The following TRANK1 variants were observed in gnomAD, a reference collection of about 807,000 sequenced individuals.
TRANK1 encodes TPR and ankyrin repeat-containing protein 1.
In TRANK1, 198 loss-of-function variants were observed where a neutral mutation model predicts 266.0. The ratio of observed to expected loss-of-function variants is 0.74; its 90% CI spans 0.66 to 0.84. TRANK1 has a LOEUF of 0.84. Among genes scored for constraint, TRANK1 ranks in the 40% least tolerant of loss-of-function variants. TRANK1 has a pLI of 0.00. For missense variants in TRANK1, 3,326 were observed against 3,634.6 expected (o/e 0.92, Z 2.18); for synonymous variants, 1,396 against 1,384.1 (o/e 1.01, Z -0.19).
At chr3:36,901,017 G>A (rs2079872538) in intron 3 of TRANK1, among the ~76,000 whole-genome samples, 1 of 151,660 alleles carries the variant, frequency 6.6e-6, no homozygotes, top group African/African-American at 2.4e-5. Flanking sequence ...ATCAAAGAGA[G>A]GAGGAAAAAA....
At chr3:36,873,947 T>A in intron 9 of TRANK1, among the ~76,000 whole-genome samples, 179 bp downstream of exon 9, 1 of 148,548 alleles carries the variant, frequency 6.7e-6, no homozygotes, top group African/African-American at 2.5e-5. Context: ...AGCTATCTCA[T>A]TCTACCTTTA....
Position 36,892,279 on chromosome 3 carries a change from A to G in TRANK1, c.698T>C (p.Leu233Pro). 1 of 1,537,226 alleles carries G rather than the reference A, an allele frequency of 6.5e-7. No individual in the cohort carries two copies. Among genetic ancestry groups the G allele is most frequent in the Non-Finnish European group, 8.7e-7 (1 of 1,146,892 alleles). Residue 233 changes from leucine to proline, a missense_variant, in exon 7 of 24, where the codon CTC becomes CCC. Coordinates refer to ENST00000645898, the MANE Select transcript of TRANK1 (RefSeq NM_001329998.2). ...CTCAACACTTGCACCAATGGAGATG[A>G]GCCACTGGACTAACTTGGGCACTTG... is the stretch of plus-strand genomic sequence containing the variant. ...MEQVPKLVQWLISIGASVETI... is the reference protein window; with the variant it reads ...MEQVPKLVQWPISIGASVETI...
Position 36,908,966 on chromosome 3 carries a change from A to G in TRANK1, c.24-512T>C, listed in dbSNP as rs189271192. 4.1e-4 allele frequency among the ~76,000 whole-genome samples: 63 copies of G among 152,284 alleles called. 1 individual carries two copies. Among genetic ancestry groups the G allele is most frequent in the Non-Finnish European group, 2.4e-4 (16 of 68,018 alleles). On this transcript the variant is annotated intron_variant, in intron 1 of 23. Coordinates refer to ENST00000645898, the MANE Select transcript of TRANK1 (RefSeq NM_001329998.2). ...TCTTGACCACTGTACCACATCACGT[A>G]TTGGTAAAAACTCAGCTGATAGTAC... is the stretch of plus-strand genomic sequence containing the variant.
intron 1 of TRANK1, among the ~76,000 whole-genome samples, chr3:36,919,377 C>T (rs1168097862): frequency 6.6e-6 from 1 of 152,140 alleles, no homozygotes; most frequent in East Asian, 1.9e-4. Context: ...GTTCTTGAAC[C>T]CCATAATAAC....
At chr3:36,859,237 T>C (rs2079101644) in intron 11 of TRANK1, among the ~76,000 whole-genome samples, 1 of 150,368 alleles carries the variant, frequency 6.7e-6, no homozygotes, top group South Asian at 2.1e-4. Flanking sequence ...CCTGACACAG[T>C]CAGTGTGAGG....
Position 36,833,478 on chromosome 3 carries a change from C to A in TRANK1, c.6105G>T (p.Leu2035=), listed in dbSNP as rs1416787042. Residue 2035 remains leucine, a synonymous_variant, in exon 22 of 24, where the codon CTG becomes CTT. Transcript: ENST00000645898. ...GAAAGTCTCTCAGGATTACCCCTTG[C>A]AGGAAGTGGGCCTCCGCAATGCCAG... ...QLSGIAEAHF[L]QGVILRDFQK... 1.2e-6 allele frequency: 2 copies of A among 1,613,922 alleles called. No individual in the cohort carries two copies. The highest frequency in any genetic ancestry group is 1.7e-6 in the Non-Finnish European group (2 of 1,179,830).
At chr3:36,890,333 TA>T (rs1258677137) in intron 7 of TRANK1, among the ~76,000 whole-genome samples, 1 of 152,140 alleles carries the variant, frequency 6.6e-6, no homozygotes, top group Non-Finnish European at 1.5e-5. Context: ...GTGATCCTAG[TA>T]GGGTCACTCC....
chr3:36,857,762 T>A lies in TRANK1; in HGVS notation c.1960A>T (p.Arg654Trp). 6.2e-7 allele frequency: 1 copy of A among 1,614,008 alleles called. No homozygotes were observed. The highest frequency in any genetic ancestry group is 8.5e-7 in the Non-Finnish European group (1 of 1,179,888). Residue 654 changes from arginine to tryptophan, a missense_variant, in exon 13 of 24, where the codon AGG becomes TGG. Physicochemically the swap from Arg to Trp is moderately radical, Grantham distance 101. Coordinates refer to ENST00000645898, the MANE Select transcript of TRANK1 (RefSeq NM_001329998.2). This position sits in a 1 kb window ranked among gnomAD's most constrained non-coding sequence, Gnocchi z 4.3. ...GCAGCAGAGTCCTGCCGGCTCCTCCTCCTGTTCTCCATCAGAGCTTTGTTC... is the reference window on the plus strand; with the variant it reads ...GCAGCAGAGTCCTGCCGGCTCCTCCACCTGTTCTCCATCAGAGCTTTGTTC... Reference protein sequence around the residue: ...AWNKALMENRRRSRQDSAAHL... With the variant: ...AWNKALMENRWRSRQDSAAHL...
chr3:36,847,594 C>T (rs974606155), intron 15 of TRANK1, among the ~76,000 whole-genome samples: 6 of 152,162 alleles, frequency 3.9e-5, no homozygotes, highest in African/African-American at 1.4e-4. Context: ...GCACACATGA[C>T]CACTTCCAGG....
At chr3:36,860,871 C>T (rs1397374987) in intron 11 of TRANK1, 35 bp downstream of exon 11, 1 of 1,533,416 alleles carries the variant, frequency 6.5e-7, no homozygotes, top group Non-Finnish European at 8.7e-7. Context: ...AGAATGTGGA[C>T]AAGTCTCCAA....
intron 1 of TRANK1, among the ~76,000 whole-genome samples, chr3:36,940,924 T>C (rs2080488084): frequency 6.6e-6 from 1 of 152,166 alleles, no homozygotes; most frequent in Non-Finnish European, 1.5e-5. Flanking sequence ...GCCAATGAGT[T>C]CAGGCCAATG....
chr3:36,875,558 A>C (rs922125114), intron 8 of TRANK1, among the ~76,000 whole-genome samples: 3 of 152,226 alleles, frequency 2.0e-5, no homozygotes, highest in Non-Finnish European at 2.9e-5. Context: ...ACTCAGTCAC[A>C]TCATGTCACT....
At chr3:36,850,178 G>A in intron 15 of TRANK1, 1 of 985,410 alleles carries the variant, frequency 1.0e-6, no homozygotes, top group Non-Finnish European at 1.2e-6. Context: ...GAGAGCCTCA[G>A]TCCAACCATG....
At chr3:36,881,392 T>C (rs1483544642) in intron 8 of TRANK1, among the ~76,000 whole-genome samples, 1 of 151,726 alleles carries the variant, frequency 6.6e-6, no homozygotes, top group Non-Finnish European at 1.5e-5. Context: ...GAGCTTGCAG[T>C]GAGCAGAGAT....
At position 36,890,442 on chromosome 3, in the gene TRANK1, A is replaced by G. The variant is rs548569140; in HGVS notation, c.776-482T>C. ...GCCTTTTGAATCCCCATGTCAGTCA[A>G]TCAAGAGCTACAGAATGCACTCAGG... On this transcript the variant is annotated intron_variant, in intron 7 of 23. Transcript: ENST00000645898. Among the ~76,000 whole-genome samples, 9 of 152,254 alleles carry G rather than the reference A, an allele frequency of 5.9e-5. No individual in the cohort carries two copies. The South Asian group carries it at 1.2e-3, about 21-fold the overall frequency.
In TRANK1 at chr3:36,827,044, A is replaced by G. The variant is rs2078639779; in HGVS notation, c.*1231T>C. 2 of 151,874 alleles carry G rather than the reference A, an allele frequency of 1.3e-5. No homozygotes were observed. The highest frequency in any genetic ancestry group is 4.8e-5 in the African/African-American group (2 of 41,362). 9.4% of individuals were successfully genotyped at this position (151,874 alleles called of 1,614,324 possible). A position where few individuals can be genotyped will look rare whatever the true frequency, so the allele number is the denominator to read the frequency against. On this transcript the variant is annotated 3_prime_UTR_variant, in exon 24 of 24. Transcript: ENST00000645898. ...AAAAGCAGCAGCAACATGGGGGGAA[A>G]GCTGGCTCTGCTGTGAGGACAGAAC... is the stretch of plus-strand genomic sequence containing the variant.
intron 2 of TRANK1, among the ~76,000 whole-genome samples, chr3:36,906,393 C>T (rs2079968619): frequency 1.3e-5 from 2 of 152,186 alleles, no homozygotes; most frequent in African/African-American, 4.8e-5. Context: ...TGGGGACCCT[C>T]AAGGCCACTG....
In TRANK1 at chr3:36,899,158, G is replaced by T; in HGVS notation, c.384C>A (p.Asp128Glu). Residue 128 changes from aspartate to glutamate, a missense_variant, in exon 4 of 24, where the codon GAC becomes GAA. Transcript: ENST00000645898. ...CAAGGAAATCAGCAACCGGTGCCTG[G>T]TCTTGGCTTCTCTGCACAAGTCGCA... ...EGLRLVQRSQ[D>E]QAPVADFLVG... The T allele has an allele frequency of 6.5e-7, 1 of 1,537,276 alleles. No individual in the cohort carries two copies. The highest frequency in any genetic ancestry group is 8.7e-7 in the Non-Finnish European group (1 of 1,146,928).
At chr3:36,896,793 G>A (rs2079797214) in intron 4 of TRANK1, among the ~76,000 whole-genome samples, 1 of 152,094 alleles carries the variant, frequency 6.6e-6, no homozygotes, top group Non-Finnish European at 1.5e-5. Flanking sequence ...TCAGGAATTT[G>A]AGACAAGCCT....
Sources: allele counts gnomAD v4.1 joint callset (sites outside exome capture counted in the v4.1 genomes callset), GRCh38; gene constraint gnomAD v4.1.1; non-coding constraint Gnocchi (gnomAD v3.1); transcripts MANE v1.5; gene names NCBI Gene and HGNC (gene_info 2026-07-23, HGNC 2026-07-21).